ZMPSTE24: variants seen among roughly 807,000 people sequenced by gnomAD.
ZMPSTE24 encodes the protein zinc metallopeptidase STE24.
Under a neutral mutation model 56.7 loss-of-function variants are expected in ZMPSTE24, and 48 were observed. That is an observed-to-expected ratio of 0.85 (90% CI 0.67 to 1.08). ZMPSTE24 has a LOEUF of 1.08. Ranked by LOEUF, ZMPSTE24 falls within the 50% of genes least tolerant of loss-of-function variation. The pLI is 0.00. For missense variants in ZMPSTE24, 503 were observed against 548.7 expected (o/e 0.92, Z 0.83); for synonymous variants, 172 against 195.2 (o/e 0.88, Z 0.99).
At chr1:40,270,257 C>T in intron 5 of ZMPSTE24, 130 bp downstream of exon 5, 1 of 1,117,570 alleles carries the variant, frequency 8.9e-7, no homozygotes, top group Non-Finnish European at 1.3e-6. Flanking sequence ...ACATTTCCCC[C>T]TTGGTTTCTG....
At position 40,268,404 on chromosome 1, in the gene ZMPSTE24, T is replaced by C; in HGVS notation, c.358-15T>C. 2 of 1,595,626 alleles carry C rather than the reference T, an allele frequency of 1.3e-6. No individual in the cohort carries two copies. Among genetic ancestry groups the C allele is most frequent in the Non-Finnish European group, 1.7e-6 (2 of 1,167,038 alleles). On this transcript the variant is annotated splice_polypyrimidine_tract_variant and intron_variant, in intron 3 of 9. Coordinates refer to ENST00000372759, the MANE Select transcript of ZMPSTE24 (RefSeq NM_005857.5). ...AGTTCATAAAAACTGGATTTTTGTT[T>C]TTTCTTTTGTTTAGATCACTCAGTC...
Position 40,285,909 on chromosome 1 carries a change from A to C in ZMPSTE24, c.955-16A>C. On this transcript the variant is annotated splice_polypyrimidine_tract_variant and intron_variant, in intron 7 of 9. Transcript: ENST00000372759. ...AAAGGTTCTCAATAATTTATTTTTG[A>C]TTTTTTTTTATTCAGAATAAGAAAC... 1 of 1,584,908 alleles carries C rather than the reference A, an allele frequency of 6.3e-7. No homozygotes were observed. Among genetic ancestry groups the C allele is most frequent in the Non-Finnish European group, 8.6e-7 (1 of 1,157,868 alleles).
chr1:40,279,997 A>G (rs1484363702), intron 6 of ZMPSTE24, among the ~76,000 whole-genome samples: 2 of 152,124 alleles, frequency 1.3e-5, no homozygotes, highest in South Asian at 2.1e-4. Flanking sequence ...TCACAGTCTG[A>G]TAGAGAAATG....
intron 2 of ZMPSTE24, among the ~76,000 whole-genome samples, chr1:40,265,346 G>A (rs1395330037): frequency 2.0e-5 from 3 of 152,158 alleles, no homozygotes; most frequent in Admixed American, 1.3e-4. Context: ...GGGAAAACAA[G>A]GTTTATGTCT....
chr1:40,262,908 TTAA>T, intron 2 of ZMPSTE24: 1 of 1,075,616 alleles, frequency 9.3e-7, no homozygotes, highest in Non-Finnish European at 1.1e-6. Flanking sequence ...TCTATACTGA[TTAA>T]TAGCTCCCAT....
At chr1:40,279,541 C>G (rs1643706279) in intron 6 of ZMPSTE24, among the ~76,000 whole-genome samples, 1 of 152,206 alleles carries the variant, frequency 6.6e-6, no homozygotes, top group Non-Finnish European at 1.5e-5. Flanking sequence ...CTGCATCCAG[C>G]TAGTTGTGAA....
chr1:40,286,879 C>T (rs1643792198), intron 8 of ZMPSTE24, among the ~76,000 whole-genome samples: 1 of 151,368 alleles, frequency 6.6e-6, no homozygotes, highest in Non-Finnish European at 1.5e-5. Flanking sequence ...AGGCACACGC[C>T]ACCACACTTG....
In ZMPSTE24 at chr1:40,285,957, A is replaced by C; in HGVS notation, c.987A>C (p.Val329=). The change falls in exon 8 of 10, where the codon GTA becomes GTC. Residue 329 remains valine, a synonymous_variant. Coordinates refer to ENST00000372759, the MANE Select transcript of ZMPSTE24 (RefSeq NM_005857.5). ...NKKQGCKNEE[V]LAVLGHELGH... ...AACAAGGATGTAAAAATGAGGAGGT[A>C]CTCGCTGTACTAGGCCATGAACTGG... 6.2e-7 allele frequency: 1 copy of C among 1,614,076 alleles called. No individual in the cohort carries two copies. The highest frequency in any genetic ancestry group is 8.5e-7 in the Non-Finnish European group (1 of 1,179,946).
At chr1:40,268,637 T>A in intron 4 of ZMPSTE24, 102 bp downstream of exon 4, 4 of 824,748 alleles carry the variant, frequency 4.8e-6, no homozygotes, top group Admixed American at 2.7e-5. Flanking sequence ...TTTCAGAGTA[T>A]GAATTGAGAA....
chr1:40,277,547 T>G (rs994928565), intron 6 of ZMPSTE24, among the ~76,000 whole-genome samples: 3 of 152,134 alleles, frequency 2.0e-5, no homozygotes, highest in African/African-American at 7.2e-5. Flanking sequence ...GGACCACACT[T>G]TGAGATACCT....
intron 2 of ZMPSTE24, among the ~76,000 whole-genome samples, chr1:40,263,691 G>A (rs968126443): frequency 6.9e-6 from 1 of 144,124 alleles, no homozygotes; most frequent in Admixed American, 6.9e-5. Context: ...AGGTTTGTAT[G>A]TTTTGGTCAC....
At chr1:40,267,336 T>A in intron 2 of ZMPSTE24, among the ~76,000 whole-genome samples, 1 of 62,634 alleles carries the variant, frequency 1.6e-5, no homozygotes. Context: ...TATTTTGTTA[T>A]TTTATTTTAT....
intron 2 of ZMPSTE24, chr1:40,262,734 A>G (rs1643510582): frequency 1.2e-6 from 1 of 856,794 alleles, no homozygotes; most frequent in East Asian, 1.1e-4. Flanking sequence ...TTTTCCCTCC[A>G]TTGCTTGGTA....
intron 2 of ZMPSTE24, among the ~76,000 whole-genome samples, chr1:40,262,245 C>G (rs1643504912): frequency 6.6e-6 from 1 of 152,086 alleles, no homozygotes; most frequent in African/African-American, 2.4e-5. Flanking sequence ...TGGTTAGATC[C>G]AAATTATTAG....
intron 6 of ZMPSTE24, among the ~76,000 whole-genome samples, chr1:40,277,564 G>A (rs1643682864): frequency 6.6e-6 from 1 of 152,146 alleles, no homozygotes; most frequent in Admixed American, 6.5e-5. Flanking sequence ...ACCTGGACCG[G>A]TGGGAGATAG....
chr1:40,283,048 C>T (rs1035982297), intron 7 of ZMPSTE24, among the ~76,000 whole-genome samples: 18 of 152,116 alleles, frequency 1.2e-4, no homozygotes, highest in African/African-American at 3.9e-4. Context: ...ACACTAAAAA[C>T]AGGTTCTAGT....
chr1:40,262,986 A>G (rs1036106995), intron 2 of ZMPSTE24: 2 of 1,000,996 alleles, frequency 2.0e-6, no homozygotes, highest in South Asian at 4.4e-5. Context: ...TAGATGAGGT[A>G]GACACTATTC....
intron 7 of ZMPSTE24, among the ~76,000 whole-genome samples, chr1:40,285,011 C>T (rs181869200): frequency 2.7e-5 from 4 of 148,288 alleles, no homozygotes; most frequent in East Asian, 2.0e-4. Flanking sequence ...CTACAGACTA[C>T]GCCTCCCAGT....
At chr1:40,266,487 A>C (rs1251268355) in intron 2 of ZMPSTE24, among the ~76,000 whole-genome samples, 1 of 152,120 alleles carries the variant, frequency 6.6e-6, no homozygotes, top group Non-Finnish European at 1.5e-5. Context: ...GTCTGTGTTC[A>C]CTTTATCTGC....
Sources: allele counts gnomAD v4.1 joint callset (sites outside exome capture counted in the v4.1 genomes callset), GRCh38; gene constraint gnomAD v4.1.1; transcripts MANE v1.5; gene names NCBI Gene and HGNC (gene_info 2026-07-23, HGNC 2026-07-21).